The following CUL1 variants were observed in gnomAD, a reference collection of about 807,000 sequenced individuals.
CUL1 encodes the protein cullin-1.
CUL1 carries 24 observed loss-of-function variants against 118.0 expected under a neutral mutation model. That is an observed-to-expected ratio of 0.20 (90% CI 0.15 to 0.29). The LOEUF (loss-of-function observed/expected upper bound fraction) is 0.29, where lower values mean the gene tolerates loss of function less well. Among genes scored for constraint, CUL1 ranks in the 10% least tolerant of loss-of-function variants. CUL1 has a pLI of 1.00. For missense variants in CUL1, 361 were observed against 933.8 expected (o/e 0.39, Z 7.99); for synonymous variants, 332 against 340.4 (o/e 0.98, Z 0.27).
chr7:148,739,019 G>A (rs572321116), intron 2 of CUL1, among the ~76,000 whole-genome samples: 1 of 152,294 alleles, frequency 6.6e-6, no homozygotes, highest in South Asian at 2.1e-4. Context: ...GGGAGGCTCC[G>A]GCCCTGTCCT....
intron 1 of CUL1, among the ~76,000 whole-genome samples, chr7:148,720,547 AG>A (rs1798365805): frequency 6.6e-6 from 1 of 152,164 alleles, no homozygotes; most frequent in Admixed American, 6.5e-5. Context: ...AGGAAAAGTG[AG>A]ATTGCACGCA....
In CUL1 at chr7:148,800,052, C is replaced by T. The variant is rs571401529; in HGVS notation, c.2251-450C>T. On this transcript the variant is annotated intron_variant, in intron 21 of 21. Transcript: ENST00000325222. The surrounding 1 kb of genome is among the most constrained non-coding windows in gnomAD (Gnocchi z 4.6). ...GGGTGGCATTGACAGGTGACTTCCC[C>T]AACAGGCAGGAGGCCCAGTGTCCCT... Among the ~76,000 whole-genome samples, 27 of 152,300 alleles carry T rather than the reference C, an allele frequency of 1.8e-4. No homozygotes were observed. The South Asian group carries it at 2.7e-3, about 15-fold the overall frequency.
chr7:148,705,537 A>G (rs1337928373), intron 1 of CUL1, among the ~76,000 whole-genome samples: 1 of 152,204 alleles, frequency 6.6e-6, no homozygotes. Context: ...CACCTTTGCT[A>G]TGTCGAAATT....
At chr7:148,721,691 A>C (rs969626964) in intron 1 of CUL1, among the ~76,000 whole-genome samples, 4 of 152,194 alleles carry the variant, frequency 2.6e-5, no homozygotes, top group African/African-American at 7.2e-5. Flanking sequence ...TCTTAGATAT[A>C]AAAATGATAT....
At chr7:148,746,748 A>ACTTTC (rs1799320504) in intron 2 of CUL1, among the ~76,000 whole-genome samples, 1 of 152,262 alleles carries the variant, frequency 6.6e-6, no homozygotes, top group African/African-American at 2.4e-5. Context: ...AAGTAAAAGT[A>ACTTTC]AAAATTCCAT....
chr7:148,774,093 A>G (rs938445574), intron 9 of CUL1, among the ~76,000 whole-genome samples: 1 of 152,226 alleles, frequency 6.6e-6, no homozygotes, highest in Non-Finnish European at 1.5e-5. Flanking sequence ...TAAGGATATG[A>G]GACACAAAAT....
chr7:148,704,643 T>C (rs1162977245), intron 1 of CUL1, among the ~76,000 whole-genome samples: 2 of 152,200 alleles, frequency 1.3e-5, no homozygotes, highest in African/African-American at 4.8e-5. Context: ...TTAATGAACA[T>C]TTAGTTAGTA....
chr7:148,736,671 G>A (rs1280500902), intron 2 of CUL1, among the ~76,000 whole-genome samples: 1 of 152,178 alleles, frequency 6.6e-6, no homozygotes, highest in Admixed American at 6.5e-5. Flanking sequence ...TAAGGAAATA[G>A]TTGTATTCAA....
At position 148,783,869 on chromosome 7, in the gene CUL1, C is replaced by T. The variant is rs1268585710; in HGVS notation, c.1170C>T (p.Gly390=). The T allele has an allele frequency of 3.1e-6, 5 of 1,614,172 alleles. No individual in the cohort carries two copies. The highest frequency in any genetic ancestry group is 4.2e-6 in the Non-Finnish European group (5 of 1,180,024). ...TGTCTGCATTCAACAATGACGCTGG[C>T]TTTGTGGCTGCTCTTGATAAGGTAG... The part of the protein sequence containing the change: ...LVMSAFNNDA[G]FVAALDKACG... The change falls in exon 10 of 22, where the codon GGC becomes GGT. Residue 390 remains glycine (G), a synonymous_variant. Transcript: ENST00000325222.
At chr7:148,727,701 G>T (rs1798632737) in intron 1 of CUL1, among the ~76,000 whole-genome samples, 2 of 152,052 alleles carry the variant, frequency 1.3e-5, no homozygotes, top group Admixed American at 1.3e-4. Context: ...GAACTCTCTA[G>T]AACTCTCTAG....
chr7:148,759,412 G>T, intron 5 of CUL1, 58 bp downstream of exon 5: 3 of 1,579,500 alleles, frequency 1.9e-6, no homozygotes, highest in Admixed American at 3.4e-5. Context: ...CAGTTTCGTT[G>T]CTTAGCTTTT....
intron 2 of CUL1, among the ~76,000 whole-genome samples, chr7:148,742,064 T>A (rs1438858119): frequency 1.3e-5 from 2 of 152,234 alleles, no homozygotes; most frequent in Non-Finnish European, 2.9e-5. Flanking sequence ...TTTTGTAGAT[T>A]ATTTTGGCTC....
intron 9 of CUL1, among the ~76,000 whole-genome samples, chr7:148,777,656 G>A (rs113652250): frequency 3.3e-5 from 5 of 152,078 alleles, no homozygotes; most frequent in African/African-American, 4.8e-5. Flanking sequence ...CCAATCCTAC[G>A]TGCCCCTGAA....
chr7:148,782,927 C>A (rs1016478290), intron 9 of CUL1, among the ~76,000 whole-genome samples: 15 of 151,444 alleles, frequency 9.9e-5, no homozygotes, highest in Non-Finnish European at 1.5e-5. Flanking sequence ...CCTCGCAGCC[C>A]GGAGCCAAGC....
intron 1 of CUL1, among the ~76,000 whole-genome samples, chr7:148,710,036 G>A (rs148036464): frequency 2.0e-5 from 3 of 152,190 alleles, no homozygotes; most frequent in African/African-American, 4.8e-5. Context: ...GCAGTGAGCC[G>A]AGGTGGCACC....
At chr7:148,725,268 A>G (rs1003440167) in intron 1 of CUL1, among the ~76,000 whole-genome samples, 1 of 142,792 alleles carries the variant, frequency 7.0e-6, no homozygotes, top group African/African-American at 2.5e-5. Context: ...TCTAAACTGG[A>G]AAACTTCATT....
chr7:148,798,750 G>C (rs371340302), intron 20 of CUL1, 73 bp downstream of exon 20: 83 of 1,187,750 alleles, frequency 7.0e-5, no homozygotes, highest in Non-Finnish European at 9.6e-5. Flanking sequence ...CGGGCCGTGG[G>C]GGGTAGGCGG....
intron 2 of CUL1, among the ~76,000 whole-genome samples, chr7:148,731,481 T>C (rs1478330932): frequency 6.6e-6 from 1 of 152,240 alleles, no homozygotes; most frequent in African/African-American, 2.4e-5. Context: ...TATTTATACA[T>C]GTATATACAC....
intron 2 of CUL1, among the ~76,000 whole-genome samples, chr7:148,742,781 T>C (rs1799188009): frequency 6.6e-6 from 1 of 152,076 alleles, no homozygotes; most frequent in South Asian, 2.1e-4. Context: ...TTTGTATTTT[T>C]AGTAGAGACT....
Sources: allele counts gnomAD v4.1 joint callset (sites outside exome capture counted in the v4.1 genomes callset), GRCh38; gene constraint gnomAD v4.1.1; non-coding constraint Gnocchi (gnomAD v3.1); transcripts MANE v1.5; gene names NCBI Gene and HGNC (gene_info 2026-07-23, HGNC 2026-07-21).